AFF3: variants seen among roughly 807,000 people sequenced by gnomAD.
The protein encoded by AFF3 is AF4/FMR2 family member 3.
A neutral mutation model predicts 129.7 loss-of-function variants in AFF3; 32 were observed. That is an observed-to-expected ratio of 0.25 (90% CI 0.19 to 0.33). AFF3 has a LOEUF of 0.33. AFF3 is among the 10% of genes least tolerant of loss of function. The pLI is 1.00. For synonymous variants in AFF3, 644 were observed against 635.4 expected, an observed-to-expected ratio of 1.01 and a Z score of -0.20; for missense variants, 1,373 against 1,592.0, an observed-to-expected ratio of 0.86 and a Z score of 2.34.
At chr2:99,729,676 G>GA (rs1679650282) in intron 10 of AFF3, among the ~76,000 whole-genome samples, 1 of 152,020 alleles carries the variant, frequency 6.6e-6, no homozygotes, top group African/African-American at 2.4e-5. Flanking sequence ...GGACCCAAGG[G>GA]AAAATGATGA....
intron 11 of AFF3, among the ~76,000 whole-genome samples, chr2:99,698,033 T>A (rs1033786741): frequency 6.6e-6 from 1 of 152,194 alleles, no homozygotes; most frequent in Non-Finnish European, 1.5e-5. Context: ...CAAAATATAA[T>A]TCCAAGTGTG....
At chr2:99,728,289 C>T (rs995861428) in intron 10 of AFF3, among the ~76,000 whole-genome samples, 8 of 152,116 alleles carry the variant, frequency 5.3e-5, no homozygotes, top group Non-Finnish European at 1.0e-4. Context: ...AGCCAATACA[C>T]CCCAGAGAAG....
At chr2:100,086,881 T>C (rs1214293134) in intron 4 of AFF3, among the ~76,000 whole-genome samples, 1 of 152,260 alleles carries the variant, frequency 6.6e-6, no homozygotes, top group Non-Finnish European at 1.5e-5. Flanking sequence ...CATTTAAACC[T>C]CTTACAACAG....
intron 7 of AFF3, among the ~76,000 whole-genome samples, chr2:99,902,854 C>T (rs1694449922): frequency 1.3e-5 from 2 of 152,128 alleles, no homozygotes; most frequent in Admixed American, 1.3e-4. Context: ...GCCTCCCATG[C>T]ATAATGATGG....
intron 13 of AFF3, among the ~76,000 whole-genome samples, chr2:99,612,742 G>A (rs893955711): frequency 3.3e-5 from 5 of 152,196 alleles, no homozygotes; most frequent in African/African-American, 1.2e-4. Flanking sequence ...TGGAATCTGA[G>A]CTGGTGCACG....
At chr2:99,581,516 C>A (rs1441894203) in intron 17 of AFF3, among the ~76,000 whole-genome samples, 3 of 148,582 alleles carry the variant, frequency 2.0e-5, no homozygotes. Flanking sequence ...TTTGCAGAAT[C>A]CTGTTCTTTT....
At chr2:99,590,679 T>G (rs374975239) in intron 15 of AFF3, among the ~76,000 whole-genome samples, 2 of 152,150 alleles carry the variant, frequency 1.3e-5, no homozygotes, top group African/African-American at 4.8e-5. Context: ...GTGGAAACTA[T>G]GTTGGGGCCT....
chr2:99,889,825 A>T (rs1693411216), intron 7 of AFF3, among the ~76,000 whole-genome samples: 1 of 151,862 alleles, frequency 6.6e-6, no homozygotes, highest in African/African-American at 2.4e-5. Context: ...CACCAGGCTA[A>T]TTTTTTTTAT....
At chr2:99,955,327 C>T (rs1230474152) in intron 7 of AFF3, among the ~76,000 whole-genome samples, 1 of 152,178 alleles carries the variant, frequency 6.6e-6, no homozygotes, top group Non-Finnish European at 1.5e-5. Flanking sequence ...GTCCTCTAGA[C>T]ATAATTATTC....
intron 7 of AFF3, among the ~76,000 whole-genome samples, chr2:99,929,383 A>C (rs1324660316): frequency 5.9e-5 from 9 of 152,326 alleles, no homozygotes; most frequent in Non-Finnish European, 2.9e-5. Context: ...GAGAAAATTC[A>C]GACTCATTAC....
intron 7 of AFF3, among the ~76,000 whole-genome samples, chr2:99,886,595 G>A (rs878871761): frequency 3.3e-5 from 5 of 152,052 alleles, no homozygotes; most frequent in Admixed American, 3.3e-4. Flanking sequence ...TTGCCATTAG[G>A]AAAACTCCTC....
At chr2:100,099,358 T>C (rs1217253122) in intron 4 of AFF3, among the ~76,000 whole-genome samples, 3 of 152,204 alleles carry the variant, frequency 2.0e-5, no homozygotes, top group Non-Finnish European at 4.4e-5. Context: ...GGCCTGCGCA[T>C]GCCCCCTGGC....
chr2:99,678,090 A>G (rs1430858197), intron 11 of AFF3, among the ~76,000 whole-genome samples: 2 of 152,236 alleles, frequency 1.3e-5, no homozygotes, highest in Admixed American at 1.3e-4. Context: ...CTCACACACG[A>G]CATTCAAATC....
intron 8 of AFF3, among the ~76,000 whole-genome samples, chr2:99,770,803 G>C (rs1683416929): frequency 6.6e-6 from 1 of 152,080 alleles, no homozygotes; most frequent in South Asian, 2.1e-4. Flanking sequence ...CTGAAAATGG[G>C]GCCTCACAGC....
intron 7 of AFF3, among the ~76,000 whole-genome samples, chr2:99,897,703 T>C (rs1394287044): frequency 6.6e-6 from 1 of 152,250 alleles, no homozygotes; most frequent in African/African-American, 2.4e-5. Context: ...CCTCATTCAC[T>C]TACCGTCTTC....
At chr2:99,993,421 G>A (rs1033364699) in intron 7 of AFF3, among the ~76,000 whole-genome samples, 4 of 151,904 alleles carry the variant, frequency 2.6e-5, no homozygotes, top group Non-Finnish European at 1.5e-5. Flanking sequence ...TTAAAATCTT[G>A]TAAATTCTCA....
intron 8 of AFF3, among the ~76,000 whole-genome samples, chr2:99,780,824 C>T (rs533848379): frequency 2.6e-5 from 4 of 152,230 alleles, no homozygotes; most frequent in South Asian, 2.1e-4. Flanking sequence ...TAGTCACCTG[C>T]GACCTCCAAG....
At chr2:100,088,268 T>C (rs922875092) in intron 4 of AFF3, among the ~76,000 whole-genome samples, 4 of 152,090 alleles carry the variant, frequency 2.6e-5, no homozygotes, top group African/African-American at 7.2e-5. Flanking sequence ...TGTATATATA[T>C]AAAATCCTAA....
At chr2:99,851,936 A>G (rs962411906) in intron 7 of AFF3, among the ~76,000 whole-genome samples, 2 of 152,136 alleles carry the variant, frequency 1.3e-5, no homozygotes, top group Non-Finnish European at 2.9e-5. Flanking sequence ...AACAACTCTA[A>G]GACTAGTCCT....
Sources: gnomAD v4.1 joint callset for allele counts (sites outside exome capture counted in the v4.1 genomes callset) on GRCh38, gnomAD v4.1.1 for gene constraint, MANE v1.5 for transcripts, NCBI Gene and HGNC (gene_info 2026-07-23, HGNC 2026-07-21) for gene names.